The following HSPG2 variants were observed in gnomAD, a reference collection of about 807,000 sequenced individuals.
The protein encoded by HSPG2 is heparan sulfate proteoglycan 2.
Under a neutral mutation model 526.6 loss-of-function variants are expected in HSPG2, and 278 were observed. The ratio of observed to expected loss-of-function variants is 0.53; its 90% CI spans 0.48 to 0.58. HSPG2 has a LOEUF of 0.58. Ranked by LOEUF, HSPG2 falls within the 20% of genes least tolerant of loss-of-function variation. The pLI, the probability that HSPG2 is intolerant of heterozygous loss-of-function variation, is 0.00. For missense variants in HSPG2, 5,354 were observed against 6,099.5 expected (o/e 0.88, Z 4.07); for synonymous variants, 2,465 against 2,555.4 (o/e 0.96, Z 1.07).
intron 95 of HSPG2, 156 bp from the exon 96 acceptor site, chr1:21,823,875 C>A (rs2097959833): frequency 1.3e-6 from 1 of 747,520 alleles, no homozygotes; most frequent in South Asian, 1.5e-5. Flanking sequence ...AGAGATCGGG[C>A]CCCACAAACA....
intron 6 of HSPG2, chr1:21,888,595 T>A (rs2445140): frequency 8.5e-7 from 1 of 1,173,480 alleles, no homozygotes; most frequent in Non-Finnish European, 1.1e-6. Context: ...CGTGAGCCCC[T>A]GCACCCGGCC....
In HSPG2 at chr1:21,884,875, G is replaced by C; in HGVS notation, c.1399C>G (p.Arg467Gly). ...SEGGRGTLII[R>G]DVKESDQGAY... ...CCCTGGTCTGACTCCTTCACATCACGGATGATCAGTGTGCCACGGCCACCC... is the reference window on the plus strand; with the variant it reads ...CCCTGGTCTGACTCCTTCACATCACCGATGATCAGTGTGCCACGGCCACCC... Residue 467 changes from arginine to glycine, a missense_variant, in exon 12 of 97, where the codon CGT becomes GGT. By Grantham distance (125) the Arg-to-Gly change is moderately radical. Transcript: ENST00000374695. The C allele has an allele frequency of 6.2e-7, 1 of 1,613,982 alleles. No individual in the cohort carries two copies. Among genetic ancestry groups the C allele is most frequent in the Non-Finnish European group, 8.5e-7 (1 of 1,180,022 alleles).
chr1:21,831,483 C>G lies in HSPG2; in HGVS notation c.11432G>C (p.Gly3811Ala), dbSNP rs1433108292. 1.2e-6 allele frequency: 2 copies of G among 1,613,946 alleles called. No homozygotes were observed. The highest frequency in any genetic ancestry group is 2.2e-5 in the East Asian group (1 of 44,888). ...YPDYGAIPKAGLSSGFIGCVR... is the reference protein window; with the variant it reads ...YPDYGAIPKAALSSGFIGCVR... ...CTCACCTATGAAGCCGCTGCTCAGC[C>G]CCGCCTTGGGGATGGCACCATAGTC... Residue 3811 changes from glycine (G) to alanine (A), a missense_variant, in exon 83 of 97, where the codon GGG (glycine) becomes GCG (alanine). By Grantham distance (60) the Gly-to-Ala change is moderately conservative. Transcript: ENST00000374695.
At chr1:21,932,389 C>T (rs1266475329) in intron 1 of HSPG2, among the ~76,000 whole-genome samples, 1 of 152,196 alleles carries the variant, frequency 6.6e-6, no homozygotes, top group Non-Finnish European at 1.5e-5. Flanking sequence ...CCTCTCAGTG[C>T]CTCAATGTCC....
chr1:21,855,709 G>T lies in HSPG2; in HGVS notation c.5702-34C>A, dbSNP rs115267178. 2.4e-5 allele frequency: 38 copies of T among 1,592,116 alleles called. No homozygotes were observed. The East Asian group carries it at 3.2e-4, about 13-fold the overall frequency. Reference sequence around the variant, plus strand: ...TAGACGTGGGGTCAGCACCCACCAAGCCTGCTCAGAGTCCTGCCCCTCCCC... The same window carrying T: ...TAGACGTGGGGTCAGCACCCACCAATCCTGCTCAGAGTCCTGCCCCTCCCC... On this transcript the variant is annotated intron_variant, in intron 45 of 96. Coordinates refer to ENST00000374695, the MANE Select transcript of HSPG2 (RefSeq NM_005529.7).
intron 1 of HSPG2, among the ~76,000 whole-genome samples, chr1:21,914,100 A>G (rs533794366): frequency 6.6e-6 from 1 of 152,338 alleles, no homozygotes; most frequent in South Asian, 2.1e-4. Flanking sequence ...GGGAAAAAAC[A>G]GTAATCATTA....
At chr1:21,936,069 T>G (rs1644481170) in intron 1 of HSPG2, among the ~76,000 whole-genome samples, 1 of 152,008 alleles carries the variant, frequency 6.6e-6, no homozygotes, top group Non-Finnish European at 1.5e-5. Flanking sequence ...CTCTCTTGGC[T>G]CAGAGAACAG....
intron 33 of HSPG2, chr1:21,870,121 G>A: frequency 2.3e-6 from 1 of 437,686 alleles, no homozygotes; most frequent in Non-Finnish European, 3.0e-6. Flanking sequence ...AGGAAAGCTG[G>A]AGTCTTCGCT....
chr1:21,848,238 G>C lies in HSPG2; in HGVS notation c.7738-145C>G, dbSNP rs776482497. 6.0e-6 allele frequency: 6 copies of C among 995,966 alleles called. No individual in the cohort carries two copies. Among genetic ancestry groups the C allele is most frequent in the Non-Finnish European group, 9.1e-6 (6 of 659,698 alleles). 61.7% of individuals were successfully genotyped at this position (995,966 alleles called of 1,614,324 possible). The stretch of plus-strand genomic sequence containing the variant: ...CTTCGTGAAGCTCCCAGCATGGCAT[G>C]TGGCCTGTCTCTGGGCTGGGGTGGA... On this transcript the variant is annotated intron_variant, in intron 59 of 96. Transcript: ENST00000374695. The surrounding 1 kb of genome is among the most constrained non-coding windows in gnomAD (Gnocchi z 4.9).
At chr1:21,915,229 C>T (rs1328222159) in intron 1 of HSPG2, among the ~76,000 whole-genome samples, 1 of 152,122 alleles carries the variant, frequency 6.6e-6, no homozygotes, top group Non-Finnish European at 1.5e-5. Flanking sequence ...ATCATCTCTA[C>T]ACCGCTAAGG....
At chr1:21,900,455 G>C (rs910229456) in intron 1 of HSPG2, among the ~76,000 whole-genome samples, 1 of 152,226 alleles carries the variant, frequency 6.6e-6, no homozygotes, top group African/African-American at 2.4e-5. Context: ...CTCCTGGTGA[G>C]AACGAGGGTC....
Position 21,859,865 on chromosome 1 carries a change from C to A in HSPG2, c.5152G>T (p.Val1718Leu), listed in dbSNP as rs768867318. The A allele has an allele frequency of 1.9e-5, 31 of 1,611,376 alleles. No individual in the cohort carries two copies. The highest frequency in any genetic ancestry group is 2.7e-5 in the African/African-American group (2 of 74,932). The change falls in exon 41 of 97, where the codon GTG (valine) becomes TTG (leucine). Residue 1718 changes from valine to leucine, a missense_variant. By Grantham distance (32) the Val-to-Leu change is conservative. Transcript: ENST00000374695. This position sits in a 1 kb window ranked among gnomAD's most constrained non-coding sequence, Gnocchi z 5.3. Reference sequence around the variant, plus strand: ...TGTCGCTGCTGGGTGCCGCTGGGCACAGGCCGCCCATCCTCACGGGACCAA... The same window carrying A: ...TGTCGCTGCTGGGTGCCGCTGGGCAAAGGCCGCCCATCCTCACGGGACCAA... Reference protein sequence around the residue: ...FYWSREDGRPVPSGTQQRHQG... With the variant: ...FYWSREDGRPLPSGTQQRHQG...
rs1458578025 is a variant in HSPG2 at position 21,859,238 on chromosome 1, A to G, written c.5293+328T>C. Among the ~76,000 whole-genome samples, 1 of 152,064 alleles carries G rather than the reference A, an allele frequency of 6.6e-6. No homozygotes were observed. The highest frequency in any genetic ancestry group is 2.4e-5 in the African/African-American group (1 of 41,404). ...TAATTTTTTCATTTGTACTAGAGAC[A>G]GGGTTTTACGACGTTGGCCAGGCTG... is the stretch of plus-strand genomic sequence containing the variant. On this transcript the variant is annotated intron_variant, in intron 42 of 96. Coordinates refer to ENST00000374695, the MANE Select transcript of HSPG2 (RefSeq NM_005529.7). The surrounding 1 kb of genome is among the most constrained non-coding windows in gnomAD (Gnocchi z 5.3).
At chr1:21,870,366 T>C in intron 33 of HSPG2, 1 of 898,968 alleles carries the variant, frequency 1.1e-6, no homozygotes, top group Non-Finnish European at 1.3e-6. Flanking sequence ...GTCCTGGAGC[T>C]AGAGCCATGG....
At chr1:21,841,008 C>T in intron 71 of HSPG2, 93 bp downstream of exon 71, 1 of 1,175,018 alleles carries the variant, frequency 8.5e-7, no homozygotes, top group Non-Finnish European at 1.2e-6. Context: ...CACTCATCAC[C>T]ACCTGCCCAT....
chr1:21,848,103 G>A lies in HSPG2; in HGVS notation c.7738-10C>T. The A allele has an allele frequency of 6.3e-7, 1 of 1,579,598 alleles. No individual in the cohort carries two copies. Among genetic ancestry groups the A allele is most frequent in the South Asian group, 1.1e-5 (1 of 87,262 alleles). On this transcript the variant is annotated splice_polypyrimidine_tract_variant and intron_variant, in intron 59 of 96. Coordinates refer to ENST00000374695, the MANE Select transcript of HSPG2 (RefSeq NM_005529.7). The surrounding 1 kb of genome is among the most constrained non-coding windows in gnomAD (Gnocchi z 4.9). ...GCCGGGAGCCCACGATCTGCAGGAAGCAGATGGCAGGAGGTATGGCAGTAG... is the reference window on the plus strand; with the variant it reads ...GCCGGGAGCCCACGATCTGCAGGAAACAGATGGCAGGAGGTATGGCAGTAG...
chr1:21,893,300 C>T lies in HSPG2; in HGVS notation c.245-2606G>A, dbSNP rs1486741081. On this transcript the variant is annotated intron_variant, in intron 3 of 96. Transcript: ENST00000374695. The surrounding 1 kb of genome is among the most constrained non-coding windows in gnomAD (Gnocchi z 4.3). Reference sequence around the variant, plus strand: ...CAGGGCTGCTGCACCCATCTCTGCCCGTCAACACCCCATGGGGAAGAACGC... The same window carrying T: ...CAGGGCTGCTGCACCCATCTCTGCCTGTCAACACCCCATGGGGAAGAACGC... 1.3e-5 allele frequency among the ~76,000 whole-genome samples: 2 copies of T among 152,170 alleles called. No homozygotes were observed. Among genetic ancestry groups the T allele is most frequent in the African/African-American group, 2.4e-5 (1 of 41,434 alleles).
intron 76 of HSPG2, 195 bp downstream of exon 76, chr1:21,835,345 C>T (rs2098022246): frequency 1.6e-6 from 1 of 630,584 alleles, no homozygotes; most frequent in Admixed American, 2.4e-5. Flanking sequence ...CATCCATATC[C>T]TTCTTCCCTC....
chr1:21,930,953 C>G (rs1255400248), intron 1 of HSPG2, among the ~76,000 whole-genome samples: 3 of 152,166 alleles, frequency 2.0e-5, no homozygotes, highest in Non-Finnish European at 4.4e-5. Flanking sequence ...AACAGGACAC[C>G]CTCCTTCATG....
Sources: allele counts gnomAD v4.1 joint callset (sites outside exome capture counted in the v4.1 genomes callset), GRCh38; gene constraint gnomAD v4.1.1; non-coding constraint Gnocchi (gnomAD v3.1); transcripts MANE v1.5; gene names NCBI Gene and HGNC (gene_info 2026-07-23, HGNC 2026-07-21).